SDK1: variants seen among roughly 807,000 people sequenced by gnomAD.
The protein encoded by SDK1 is protein sidekick-1.
In SDK1, 157 loss-of-function variants were observed where a neutral mutation model predicts 245.5. The observed-to-expected ratio is 0.64, with a 90% CI of 0.56 to 0.73. The LOEUF is 0.73. Ranked by LOEUF, SDK1 falls within the 30% of genes least tolerant of loss-of-function variation. The pLI, the probability that SDK1 is intolerant of heterozygous loss-of-function variation, is 0.00. For missense variants in SDK1, 3,583 were observed against 3,002.3 expected (o/e 1.19, Z -4.52); for synonymous variants, 1,647 against 1,278.5 (o/e 1.29, Z -6.15).
At position 3,464,848 on chromosome 7, in the gene SDK1, T is replaced by G. The variant is rs138431130; in HGVS notation, c.299-154232T>G. 3.3e-3 allele frequency among the ~76,000 whole-genome samples: 495 copies of G among 152,238 alleles called. 1 individual carries two copies. The highest frequency in any genetic ancestry group is 0.012 in the African/African-American group (479 of 41,550). On this transcript the variant is annotated intron_variant, in intron 1 of 44. Coordinates refer to ENST00000404826, the MANE Select transcript of SDK1 (RefSeq NM_152744.4). ...TTGGACAAATTTTTAAAGAGTAAGT[T>G]GTGACAATGATATTACATGTTAAAT... is the stretch of plus-strand genomic sequence containing the variant.
At chr7:4,157,910 G>T (rs1274010837) in intron 30 of SDK1, among the ~76,000 whole-genome samples, 1 of 152,166 alleles carries the variant, frequency 6.6e-6, no homozygotes, top group East Asian at 1.9e-4. Flanking sequence ...ATGCTGCAAG[G>T]CTGGGTCTGG....
intron 1 of SDK1, among the ~76,000 whole-genome samples, chr7:3,556,118 A>T (rs550546359): frequency 2.0e-5 from 3 of 152,220 alleles, no homozygotes; most frequent in African/African-American, 7.2e-5. Flanking sequence ...CTGTACTTCT[A>T]TGTTTTTTGC....
intron 13 of SDK1, among the ~76,000 whole-genome samples, chr7:3,978,936 C>T (rs1783176147): frequency 1.3e-5 from 2 of 152,142 alleles, no homozygotes; most frequent in Non-Finnish European, 1.5e-5. Flanking sequence ...ATAGACCAGC[C>T]GTTGGCCTCT....
intron 5 of SDK1, among the ~76,000 whole-genome samples, chr7:3,874,090 T>C (rs1309753095): frequency 6.6e-6 from 1 of 152,240 alleles, no homozygotes; most frequent in Non-Finnish European, 1.5e-5. Flanking sequence ...TGGTTGGAGA[T>C]GAGCATGCTT....
At chr7:4,206,121 G>T in intron 36 of SDK1, 127 bp downstream of exon 36, 1 of 648,216 alleles carries the variant, frequency 1.5e-6, no homozygotes, top group South Asian at 2.0e-5. Context: ...GGGCCCAAGC[G>T]TCGGAGCTTG....
intron 14 of SDK1, among the ~76,000 whole-genome samples, chr7:3,992,161 C>T (rs996352392): frequency 6.6e-6 from 1 of 152,200 alleles, no homozygotes; most frequent in African/African-American, 2.4e-5. Context: ...GGTTTAGTGG[C>T]CGAGGCAGGC....
At position 3,452,585 on chromosome 7, in the gene SDK1, A is replaced by G. The variant is rs550651532; in HGVS notation, c.298+150701A>G. On this transcript the variant is annotated intron_variant, in intron 1 of 44. Transcript: ENST00000404826. ...AGGACTTAATTTTGTGTACACTTTC[A>G]TACTAATATAAGGCACTCTTGCTAA... Among the ~76,000 whole-genome samples, 3 of 152,330 alleles carry G rather than the reference A, an allele frequency of 2.0e-5. No homozygotes were observed. The East Asian group carries it at 5.8e-4, about 29-fold the overall frequency.
intron 5 of SDK1, among the ~76,000 whole-genome samples, chr7:3,843,114 T>C (rs1780198887): frequency 6.6e-6 from 1 of 152,146 alleles, no homozygotes; most frequent in Non-Finnish European, 1.5e-5. Context: ...GCACAGCTCT[T>C]TCTCGGGGCC....
intron 22 of SDK1, among the ~76,000 whole-genome samples, chr7:4,095,085 C>G (rs1782060342): frequency 6.6e-6 from 1 of 152,030 alleles, no homozygotes; most frequent in Non-Finnish European, 1.5e-5. Context: ...CAGCAGAGGT[C>G]AGAGTTCCAT....
At chr7:3,740,777 C>A (rs1046261750) in intron 4 of SDK1, among the ~76,000 whole-genome samples, 2 of 152,110 alleles carry the variant, frequency 1.3e-5, no homozygotes, top group East Asian at 1.9e-4. Context: ...TTGTTGCAAG[C>A]CTTTGATTAA....
chr7:4,210,247 C>A (rs1056342052), intron 38 of SDK1, 85 bp downstream of exon 38: 2 of 1,279,960 alleles, frequency 1.6e-6, no homozygotes, highest in East Asian at 3.0e-5. Context: ...CGCACCTGAC[C>A]GCTTCTGTGG....
At chr7:4,132,155 C>T (rs1384312039) in intron 27 of SDK1, among the ~76,000 whole-genome samples, 170 bp from the exon 28 acceptor site, 1 of 152,150 alleles carries the variant, frequency 6.6e-6, no homozygotes, top group Admixed American at 6.5e-5. Flanking sequence ...GCCACACTAC[C>T]AGTGACATTC....
intron 1 of SDK1, among the ~76,000 whole-genome samples, chr7:3,487,874 G>C (rs993469319): frequency 6.6e-6 from 1 of 152,072 alleles, no homozygotes. Flanking sequence ...AGCAAGGCAG[G>C]TTCCTTTGGG....
At chr7:4,051,212 A>G (rs1303883565) in intron 18 of SDK1, among the ~76,000 whole-genome samples, 1 of 142,138 alleles carries the variant, frequency 7.0e-6, no homozygotes, top group Non-Finnish European at 1.5e-5. Context: ...ATATATGTAT[A>G]CATAACATAT....
chr7:3,556,490 C>T (rs1482167429), intron 1 of SDK1, among the ~76,000 whole-genome samples: 2 of 151,992 alleles, frequency 1.3e-5, no homozygotes, highest in Non-Finnish European at 2.9e-5. Flanking sequence ...TTTCATAGTA[C>T]AACAGGGTGA....
chr7:4,265,324 C>G lies in SDK1; in HGVS notation c.6582C>G (p.Val2194=). The stretch of plus-strand genomic sequence containing the variant: ...TCACCACGCAGAGCGCGGGCGGCGT[C>G]TACACCCCCGCTGGCCCCGGCGCGC... ...PVITTQSAGG[V]YTPAGPGART... is the part of the protein sequence containing the mutation. Residue 2194 remains valine (V), a synonymous_variant, in exon 45 of 45, where the codon GTC becomes GTG. Transcript: ENST00000404826. 6.6e-7 allele frequency: 1 copy of G among 1,520,060 alleles called. No individual in the cohort carries two copies. Among genetic ancestry groups the G allele is most frequent in the Non-Finnish European group, 8.7e-7 (1 of 1,145,320 alleles). The allele number at this position is 1,520,060 out of a possible 1,614,324, so 94.2% of individuals were successfully genotyped here.
chr7:4,049,336 G>T lies in SDK1; in HGVS notation c.2603-12G>T. On this transcript the variant is annotated splice_polypyrimidine_tract_variant and intron_variant, in intron 17 of 44. Transcript: ENST00000404826. ...ATTTGTTCTGCTGTCATCAATGACT[G>T]CCCTGCCACAGTGCCCACCGCGCCC... 2 of 1,609,514 alleles carry T rather than the reference G, an allele frequency of 1.2e-6. No individual in the cohort carries two copies. Among genetic ancestry groups the T allele is most frequent in the Non-Finnish European group, 1.7e-6 (2 of 1,176,400 alleles).
In SDK1 at chr7:3,301,837, G is replaced by C; in HGVS notation, c.251G>C (p.Trp84Ser). ...TTGGGGCCGGGCCGCCGCGGCTGGT[G>C]GGCGCTGCTGGCGCTGCAGCTGCAC... ...AKLGPGRRGW[W>S]ALLALQLHLL... Residue 84 changes from tryptophan (W) to serine (S), a missense_variant, in exon 1 of 45, where the codon TGG (tryptophan) becomes TCG (serine). Transcript: ENST00000404826. 1 of 1,128,830 alleles carries C rather than the reference G, an allele frequency of 8.9e-7. No homozygotes were observed. Among genetic ancestry groups the C allele is most frequent in the Non-Finnish European group, 1.1e-6 (1 of 923,096 alleles). The allele number at this position is 1,128,830 out of a possible 1,614,324, so 69.9% of individuals were successfully genotyped here. A position where few individuals can be genotyped will look rare whatever the true frequency, so the allele number is the denominator to read the frequency against.
intron 1 of SDK1, among the ~76,000 whole-genome samples, chr7:3,506,729 A>T (rs1218169911): frequency 1.3e-5 from 2 of 151,994 alleles, no homozygotes; most frequent in African/African-American, 2.4e-5. Flanking sequence ...CTATATTTAT[A>T]TGCATTTAAC....
Sources: gnomAD v4.1 joint callset for allele counts (sites outside exome capture counted in the v4.1 genomes callset) on GRCh38, gnomAD v4.1.1 for gene constraint, MANE v1.5 for transcripts, NCBI Gene and HGNC (gene_info 2026-07-23, HGNC 2026-07-21) for gene names.